The following GOLGA4 variants were observed in gnomAD, a reference collection of about 807,000 sequenced individuals.
GOLGA4 encodes golgin A4, also known as golgin subfamily A member 4.
A neutral mutation model predicts 265.9 loss-of-function variants in GOLGA4; 169 were observed. That is an observed-to-expected ratio of 0.64 (90% CI 0.56 to 0.72). The LOEUF (loss-of-function observed/expected upper bound fraction) is 0.72, where lower values mean the gene tolerates loss of function less well. Among genes scored for constraint, GOLGA4 ranks in the 30% least tolerant of loss-of-function variants. GOLGA4 has a pLI of 0.00. For synonymous variants in GOLGA4, 923 were observed against 855.8 expected (o/e 1.08, Z -1.37); for missense variants, 2,482 against 2,483.4 (o/e 1.00, Z 0.01).
chr3:37,257,089 C>G (rs1328383694), intron 2 of GOLGA4, among the ~76,000 whole-genome samples: 9 of 152,162 alleles, frequency 5.9e-5, no homozygotes, highest in Non-Finnish European at 1.2e-4. Context: ...ACTCCTTCCT[C>G]CAACCCCTAG....
chr3:37,261,510 A>G (rs1288828918), intron 2 of GOLGA4, among the ~76,000 whole-genome samples: 1 of 152,226 alleles, frequency 6.6e-6, no homozygotes, highest in African/African-American at 2.4e-5. Flanking sequence ...AAATGATTTG[A>G]GTAACTGCAG....
chr3:37,315,292 A>C (rs2096934457), intron 10 of GOLGA4, 128 bp from the exon 11 acceptor site: 1 of 766,692 alleles, frequency 1.3e-6, no homozygotes, highest in African/African-American at 1.8e-5. Flanking sequence ...CTCTTGGCTT[A>C]GAACAGTGAT....
chr3:37,347,367 A>G, intron 21 of GOLGA4, 71 bp downstream of exon 21: 1 of 810,754 alleles, frequency 1.2e-6, no homozygotes, highest in Non-Finnish European at 2.1e-6. Flanking sequence ...TTTAATACAC[A>G]TGTGAATGCC....
chr3:37,302,296 G>C lies in GOLGA4; in HGVS notation c.1198G>C (p.Glu400Gln). 6.2e-6 allele frequency: 10 copies of C among 1,613,748 alleles called. No individual in the cohort carries two copies. Among genetic ancestry groups the C allele is most frequent in the Non-Finnish European group, 8.5e-6 (10 of 1,179,698 alleles). ...RIKQMTTQGEELREQKEKSER... is the reference protein window; with the variant it reads ...RIKQMTTQGEQLREQKEKSER... Reference sequence around the variant, plus strand: ...CAAACAGATGACTACCCAGGGAGAGGAATTACGGGAACAGAAAGAAAAGTC... The same window carrying C: ...CAAACAGATGACTACCCAGGGAGAGCAATTACGGGAACAGAAAGAAAAGTC... Residue 400 changes from glutamate (E) to glutamine (Q), a missense_variant, in exon 10 of 24, where the codon GAA (glutamate) becomes CAA (glutamine). Transcript: ENST00000361924.
intron 2 of GOLGA4, among the ~76,000 whole-genome samples, chr3:37,272,095 A>T (rs919933739): frequency 1.1e-4 from 16 of 152,324 alleles, no homozygotes; most frequent in African/African-American, 3.6e-4. Flanking sequence ...GAGTTGAATA[A>T]TTATTTATTA....
At chr3:37,310,933 C>T (rs947624234) in intron 10 of GOLGA4, among the ~76,000 whole-genome samples, 1 of 152,148 alleles carries the variant, frequency 6.6e-6, no homozygotes, top group Non-Finnish European at 1.5e-5. Flanking sequence ...TATTTCTCCC[C>T]ACTCACTTAT....
intron 4 of GOLGA4, among the ~76,000 whole-genome samples, 162 bp downstream of exon 4, chr3:37,286,223 G>A (rs1410664946): frequency 1.5e-5 from 2 of 136,260 alleles, no homozygotes; most frequent in African/African-American, 2.7e-5. Context: ...GCGCAATCTC[G>A]GCTCACTGCA....
chr3:37,319,085 C>G lies in GOLGA4; in HGVS notation c.1436C>G (p.Ala479Gly). Residue 479 changes from alanine (A) to glycine (G), a missense_variant, in exon 12 of 24, where the codon GCT becomes GGT. Around this residue, in one of 3 missense-constraint regions of GOLGA4, gnomAD observed 1,536 missense variants for 1,483.7 expected, o/e 1.04. Transcript: ENST00000361924. ...CAGAAATCCTCAGAAGAACAAATTG[C>G]TAAGCTACAGAAGCTTCATGAAAAG... ...VMKKSSEEQI[A>G]KLQKLHEKEL... 6.3e-7 allele frequency: 1 copy of G among 1,599,250 alleles called. No homozygotes were observed. The highest frequency in any genetic ancestry group is 2.2e-5 in the East Asian group (1 of 44,686).
intron 9 of GOLGA4, among the ~76,000 whole-genome samples, chr3:37,299,577 A>C (rs879697348): frequency 6.6e-6 from 1 of 152,234 alleles, no homozygotes; most frequent in Non-Finnish European, 1.5e-5. Context: ...TCTTGATCCC[A>C]GTCAGCATTA....
chr3:37,293,783 A>AT (rs1429666266), intron 5 of GOLGA4, among the ~76,000 whole-genome samples: 1 of 152,222 alleles, frequency 6.6e-6, no homozygotes, highest in Non-Finnish European at 1.5e-5. Flanking sequence ...AAAAGCTTCC[A>AT]TAGGTCATTT....
intron 5 of GOLGA4, among the ~76,000 whole-genome samples, chr3:37,289,912 C>T (rs1480973198): frequency 6.6e-6 from 1 of 152,172 alleles, no homozygotes; most frequent in Non-Finnish European, 1.5e-5. Context: ...TGTTTTCTCT[C>T]CACTCATTTG....
Position 37,366,686 on chromosome 3 carries a change from A to C in GOLGA4, c.*640A>C, listed in dbSNP as rs899884690. 6.6e-5 allele frequency: 10 copies of C among 152,654 alleles called. No homozygotes were observed. Among genetic ancestry groups the C allele is most frequent in the African/African-American group, 2.4e-4 (10 of 41,468 alleles). The allele number at this position is 152,654 out of a possible 1,614,324, so 9.5% of individuals were successfully genotyped here. A position where few individuals can be genotyped will look rare whatever the true frequency, so the allele number is the denominator to read the frequency against. On this transcript the variant is annotated 3_prime_UTR_variant, in exon 24 of 24. Transcript: ENST00000361924. ...CCAATACATAACTGTATTGTATGCA[A>C]ATCTGTGATTGTTGGCAGTGTCATC...
chr3:37,279,996 G>A (rs2150760009), intron 2 of GOLGA4, among the ~76,000 whole-genome samples: 1 of 152,014 alleles, frequency 6.6e-6, no homozygotes, highest in South Asian at 2.1e-4. Flanking sequence ...TGCTTCCGGT[G>A]TTTCTTCTTA....
intron 2 of GOLGA4, chr3:37,275,753 G>A (rs1559371211): frequency 8.1e-6 from 13 of 1,613,000 alleles, no homozygotes; most frequent in Admixed American, 3.3e-5. Flanking sequence ...GAAGAAGAAC[G>A]CGGCTGGAGC....
Position 37,366,307 on chromosome 3 carries a change from A to G in GOLGA4, c.*261A>G, listed in dbSNP as rs1289968884. 7 of 431,120 alleles carry G rather than the reference A, an allele frequency of 1.6e-5. No homozygotes were observed. The highest frequency in any genetic ancestry group is 4.1e-6 in the Non-Finnish European group (1 of 245,460). The allele number at this position is 431,120 out of a possible 1,614,324, so 26.7% of individuals were successfully genotyped here. On this transcript the variant is annotated 3_prime_UTR_variant, in exon 24 of 24. Coordinates refer to ENST00000361924, the MANE Select transcript of GOLGA4 (RefSeq NM_002078.5). ...TTTTCTTCAGTTTTCTCTTGGGAAG[A>G]GTTTTATGTTGTTTAAAAGATATTT...
chr3:37,356,245 A>G (rs557993098), intron 22 of GOLGA4, among the ~76,000 whole-genome samples: 9 of 152,192 alleles, frequency 5.9e-5, no homozygotes, highest in African/African-American at 2.2e-4. Flanking sequence ...TCTTGCACTT[A>G]CAGCCTTTTA....
At chr3:37,349,571 T>C (rs2097067198) in intron 21 of GOLGA4, among the ~76,000 whole-genome samples, 1 of 152,176 alleles carries the variant, frequency 6.6e-6, no homozygotes, top group Non-Finnish European at 1.5e-5. Flanking sequence ...GCACAGAGAA[T>C]GCAGGGCCTT....
intron 2 of GOLGA4, among the ~76,000 whole-genome samples, chr3:37,279,584 T>G (rs1450371066): frequency 1.3e-5 from 2 of 152,084 alleles, no homozygotes; most frequent in Admixed American, 1.3e-4. Flanking sequence ...TTCTGCTCTG[T>G]TATATGAAGA....
At chr3:37,360,929 G>C (rs1037405292) in intron 22 of GOLGA4, among the ~76,000 whole-genome samples, 1 of 152,074 alleles carries the variant, frequency 6.6e-6, no homozygotes, top group African/African-American at 2.4e-5. Flanking sequence ...CTTTTGTAAA[G>C]CAAATAATTG....
Sources: gnomAD v4.1 joint callset for allele counts (sites outside exome capture counted in the v4.1 genomes callset) on GRCh38, gnomAD v4.1.1 for gene constraint, gnomAD v4.1.1 regional missense constraint, MANE v1.5 for transcripts, NCBI Gene and HGNC (gene_info 2026-07-23, HGNC 2026-07-21) for gene names.